Variants in RNF213 observed in about 807,000 individuals in gnomAD.
RNF213 encodes ring finger protein 213.
Under a neutral mutation model 514.4 loss-of-function variants are expected in RNF213, and 341 were observed. That is an observed-to-expected ratio of 0.66 (90% confidence interval 0.61 to 0.73). RNF213 has a LOEUF of 0.73. Among genes scored for constraint, RNF213 ranks in the 30% least tolerant of loss-of-function variants. The pLI is 0.00. For synonymous variants in RNF213, 2,655 were observed against 2,658.2 expected, an observed-to-expected ratio of 1.00 and a Z score of 0.04; for missense variants, 5,767 against 6,615.6, an observed-to-expected ratio of 0.87 and a Z score of 4.45.
At chr17:80,310,795 G>A (rs927961002) in intron 14 of RNF213, among the ~76,000 whole-genome samples, 7 of 151,384 alleles carry the variant, frequency 4.6e-5, no homozygotes, top group Non-Finnish European at 8.8e-5. Flanking sequence ...CAGGTGATTC[G>A]CCTGCCTCAG....
intron 26 of RNF213, 156 bp downstream of exon 26, chr17:80,340,512 C>A: frequency 1.4e-6 from 1 of 696,608 alleles, no homozygotes. Flanking sequence ...TGTGCCAGAA[C>A]CAGGCACCCT....
chr17:80,261,694 C>T (rs890484747), intron 1 of RNF213, among the ~76,000 whole-genome samples: 1 of 152,242 alleles, frequency 6.6e-6, no homozygotes, highest in Admixed American at 6.5e-5. Flanking sequence ...TCTCTTGTGT[C>T]TTCCGGCCCC....
Position 80,383,018 on chromosome 17 carries a change from T to C in RNF213, c.14018T>C (p.Met4673Thr). 6.2e-7 allele frequency: 1 copy of C among 1,614,070 alleles called. No individual in the cohort carries two copies. The highest frequency in any genetic ancestry group is 8.5e-7 in the Non-Finnish European group (1 of 1,179,940). Residue 4673 changes from methionine (M) to threonine (T), a missense_variant, in exon 58 of 68, where the codon ATG (methionine) becomes ACG (threonine). Transcript: ENST00000582970. ...NFDTELSTKE[M>T]RNNWEKEIAA... ...GACACAGAATTGTCAACTAAAGAAA[T>C]GAGGAACAACTGGGAAAAGGAAATC...
rs1316654346 is a variant in RNF213 at position 80,352,100 on chromosome 17, G to A, written c.10303+297G>A. ...AATCCGTTGACCTCATGATCCGCTC[G>A]CCCCAGCCTCCCAAAGTGCTGGGAT... On this transcript the variant is annotated intron_variant, in intron 32 of 67. Coordinates refer to ENST00000582970, the MANE Select transcript of RNF213 (RefSeq NM_001256071.3). 3.1e-5 allele frequency: 9 copies of A among 287,074 alleles called. No homozygotes were observed. The East Asian group carries it at 5.3e-4, about 17-fold the overall frequency. The allele number at this position is 287,074 out of a possible 1,614,324, so 17.8% of individuals were successfully genotyped here. A position where few individuals can be genotyped will look rare whatever the true frequency, so the allele number is the denominator to read the frequency against.
At position 80,317,364 on chromosome 17, in the gene RNF213, C is replaced by T; in HGVS notation, c.2901+87C>T. On this transcript the variant is annotated intron_variant, in intron 16 of 67. Transcript: ENST00000582970. This position sits in a 1 kb window ranked among gnomAD's most constrained non-coding sequence, Gnocchi z 4.1. ...ATTAGCGACAGCCAAGAGATCTCAGCAGTGCCTCTCTGTGGGCAGGGATGG... is the reference window on the plus strand; with the variant it reads ...ATTAGCGACAGCCAAGAGATCTCAGTAGTGCCTCTCTGTGGGCAGGGATGG... The T allele has an allele frequency of 8.5e-7, 1 of 1,181,040 alleles. No homozygotes were observed. The highest frequency in any genetic ancestry group is 1.2e-6 in the Non-Finnish European group (1 of 802,194). The allele number at this position is 1,181,040 out of a possible 1,614,324, so 73.2% of individuals were successfully genotyped here.
chr17:80,269,346 C>T (rs1420353628), intron 2 of RNF213, among the ~76,000 whole-genome samples: 1 of 152,048 alleles, frequency 6.6e-6, no homozygotes, highest in African/African-American at 2.4e-5. Context: ...TCTATCCATC[C>T]CTCTACCCTA....
At chr17:80,386,160 C>A in intron 61 of RNF213, 90 bp from the exon 62 acceptor site, 1 of 1,270,228 alleles carries the variant, frequency 7.9e-7, no homozygotes, top group Non-Finnish European at 1.1e-6. Flanking sequence ...GTGTGTGGAG[C>A]TGATGGCTTC....
At position 80,351,836 on chromosome 17, in the gene RNF213, T is replaced by A. The variant is rs1418302656; in HGVS notation, c.10303+33T>A. 2.7e-6 allele frequency: 3 copies of A among 1,129,272 alleles called. No individual in the cohort carries two copies. In the African/African-American group the frequency reaches 4.6e-5, roughly 17 times the overall value. The allele number at this position is 1,129,272 out of a possible 1,614,324, so 70.0% of individuals were successfully genotyped here. A position where few individuals can be genotyped will look rare whatever the true frequency, so the allele number is the denominator to read the frequency against. On this transcript the variant is annotated intron_variant, in intron 32 of 67. Coordinates refer to ENST00000582970, the MANE Select transcript of RNF213 (RefSeq NM_001256071.3). ...CAGAACATCAGTCAGGGTATTTATTTATGTATTTATTTATTTATTTGTATC... is the reference window on the plus strand; with the variant it reads ...CAGAACATCAGTCAGGGTATTTATTAATGTATTTATTTATTTATTTGTATC...
chr17:80,327,269 G>A (rs1051315473), intron 18 of RNF213, among the ~76,000 whole-genome samples: 6 of 152,178 alleles, frequency 3.9e-5, no homozygotes, highest in African/African-American at 9.7e-5. Context: ...AGGCCAAGGC[G>A]GGAGGATCTC....
In RNF213 at chr17:80,291,679, G is replaced by A. The variant is rs2044734437; in HGVS notation, c.1323G>A (p.Lys441=). The A allele has an allele frequency of 6.2e-7, 1 of 1,614,096 alleles. No homozygotes were observed. The highest frequency in any genetic ancestry group is 1.7e-5 in the Admixed American group (1 of 60,004). The stretch of plus-strand genomic sequence containing the variant: ...TTGAAGGCATTGTCTGCATTTCCAA[G>A]AAGCACCTAGATAAATACATTCCTT... The part of the protein sequence containing the change: ...VLVEGIVCIS[K]KHLDKYIPYK... The change falls in exon 8 of 68, where the codon AAG becomes AAA. Residue 441 remains lysine (K), a synonymous_variant. Coordinates refer to ENST00000582970, the MANE Select transcript of RNF213 (RefSeq NM_001256071.3).
intron 42 of RNF213, chr17:80,365,212 CA>C (rs2079214623): frequency 6.5e-6 from 1 of 154,658 alleles, no homozygotes; most frequent in South Asian, 2.0e-4. Context: ...CCCTCACCGC[CA>C]GGGGGTCTGG....
intron 22 of RNF213, among the ~76,000 whole-genome samples, chr17:80,335,558 G>C (rs1342813087): frequency 6.6e-6 from 1 of 152,160 alleles, no homozygotes; most frequent in Admixed American, 6.6e-5. Flanking sequence ...GCTGAGCCTT[G>C]GTTTCTTTTT....
chr17:80,392,561 G>A, intron 67 of RNF213, among the ~76,000 whole-genome samples: 1 of 151,978 alleles, frequency 6.6e-6, no homozygotes. Context: ...TCCCAGTTCA[G>A]GAGCTCAGGT....
intron 11 of RNF213, among the ~76,000 whole-genome samples, chr17:80,301,864 T>C (rs1019812503): frequency 2.6e-5 from 4 of 152,158 alleles, no homozygotes; most frequent in African/African-American, 9.7e-5. Flanking sequence ...TCAATAGCCA[T>C]AATATGGAAT....
chr17:80,277,772 T>C (rs970389839), intron 3 of RNF213, among the ~76,000 whole-genome samples: 2 of 152,154 alleles, frequency 1.3e-5, no homozygotes, highest in African/African-American at 4.8e-5. Context: ...GAGAGCAGTG[T>C]ATGCGTGAAC....
intron 37 of RNF213, among the ~76,000 whole-genome samples, chr17:80,359,524 CAAAAAAAAAAAAAAA>C (rs559552051): frequency 3.1e-5 from 1 of 32,488 alleles, no homozygotes; most frequent in Non-Finnish European, 5.0e-5. Context: ...GACTCTATCT[CAAAAAAAAAAAAAAA>C]AAAAAAAAAA....
chr17:80,290,792 C>T (rs1173621436), intron 7 of RNF213, 64 bp downstream of exon 7: 8 of 1,565,160 alleles, frequency 5.1e-6, no homozygotes, highest in Non-Finnish European at 7.0e-6. Flanking sequence ...CAGCCTGTGA[C>T]ACGTAGTTTA....
chr17:80,348,074 C>T lies in RNF213; in HGVS notation c.9739C>T (p.His3247Tyr), dbSNP rs543752254. ...TCCCCGGGCCTTGACGGAGGAACTT[C>T]ACCAGAAGGTGTCTGAGGAGGCCAA... ...QGPRALTEELHQKVSEEAKSI... is the reference protein window; with the variant it reads ...QGPRALTEELYQKVSEEAKSI... The change falls in exon 29 of 68, where the codon CAC becomes TAC. Residue 3247 changes from histidine to tyrosine, a missense_variant. Physicochemically the swap from His to Tyr is moderately conservative, Grantham distance 83. Around this residue, in one of 13 missense-constraint regions of RNF213, gnomAD observed 919 missense variants for 1,121.0 expected, o/e 0.82. Coordinates refer to ENST00000582970, the MANE Select transcript of RNF213 (RefSeq NM_001256071.3). The T allele has an allele frequency of 4.3e-6, 7 of 1,614,172 alleles. No homozygotes were observed. The highest frequency in any genetic ancestry group is 3.3e-5 in the Admixed American group (2 of 60,036).
At chr17:80,371,759 T>G (rs2079525345) in intron 46 of RNF213, 115 bp from the exon 47 acceptor site, 1 of 661,316 alleles carries the variant, frequency 1.5e-6, no homozygotes, top group South Asian at 1.7e-5. Flanking sequence ...TATGTATGTA[T>G]ATGTTTATAC....
Sources: allele counts gnomAD v4.1 joint callset (sites outside exome capture counted in the v4.1 genomes callset), GRCh38; gene constraint gnomAD v4.1.1; regional missense constraint gnomAD v4.1.1; non-coding constraint Gnocchi (gnomAD v3.1); transcripts MANE v1.5; gene names NCBI Gene and HGNC (gene_info 2026-07-23, HGNC 2026-07-21).